The following EFNA5 variants were observed in gnomAD, a reference collection of about 807,000 sequenced individuals.
The protein encoded by EFNA5 is ephrin-A5.
Under a neutral mutation model 22.9 loss-of-function variants are expected in EFNA5, and 5 were observed. The observed-to-expected ratio is 0.22, with a 90% CI of 0.11 to 0.46. The LOEUF is 0.46. Among genes scored for constraint, EFNA5 ranks in the 20% least tolerant of loss-of-function variants. The pLI is 0.99. For missense variants in EFNA5, 237 were observed against 293.3 expected, an observed-to-expected ratio of 0.81 and a Z score of 1.40; for synonymous variants, 113 against 112.2, an observed-to-expected ratio of 1.01 and a Z score of -0.04.
At chr5:107,617,801 T>G (rs1561450827) in intron 1 of EFNA5, among the ~76,000 whole-genome samples, 1 of 152,156 alleles carries the variant, frequency 6.6e-6, no homozygotes, top group Non-Finnish European at 1.5e-5. Context: ...TACAGTTTAA[T>G]TTTTTGCCTG....
chr5:107,469,846 ATTCTAGCATCATTTCTTGT>A (rs1750091464), intron 1 of EFNA5, among the ~76,000 whole-genome samples: 1 of 152,140 alleles, frequency 6.6e-6, no homozygotes, highest in African/African-American at 2.4e-5. Context: ...CCACCTCTGA[ATTCTAGCATCATTTCTTGT>A]TTCTCCATTT....
intron 1 of EFNA5, among the ~76,000 whole-genome samples, chr5:107,541,153 T>C (rs1480241687): frequency 6.6e-6 from 1 of 151,878 alleles, no homozygotes; most frequent in Non-Finnish European, 1.5e-5. Flanking sequence ...TTAACTTTTA[T>C]AAAGATTTCA....
intron 1 of EFNA5, among the ~76,000 whole-genome samples, chr5:107,531,356 G>T (rs1300833641): frequency 1.3e-5 from 2 of 152,172 alleles, no homozygotes; most frequent in African/African-American, 4.8e-5. Flanking sequence ...TGCTCAGGGT[G>T]CCACCTTCTA....
intron 2 of EFNA5, among the ~76,000 whole-genome samples, chr5:107,406,968 C>T (rs1748241056): frequency 6.6e-6 from 1 of 152,180 alleles, no homozygotes; most frequent in Non-Finnish European, 1.5e-5. Flanking sequence ...TATGATTAGG[C>T]ATATGAGTTT....
intron 1 of EFNA5, among the ~76,000 whole-genome samples, chr5:107,504,730 G>A (rs17534165): frequency 0.11 from 16,520 of 152,068 alleles, 994 homozygotes; most frequent in Middle Eastern, 0.19. Context: ...AAGTGTTGTC[G>A]AAGCCTATTT....
intron 1 of EFNA5, among the ~76,000 whole-genome samples, chr5:107,639,105 T>G (rs936591510): frequency 1.3e-5 from 2 of 152,216 alleles, no homozygotes; most frequent in African/African-American, 2.4e-5. Context: ...CACAACATAT[T>G]ACTTCGGTGA....
rs1554062112 is a variant in EFNA5 at position 107,482,893 on chromosome 5, T to TAC, written c.126-55386_126-55385dup. The stretch of plus-strand genomic sequence containing the variant: ...CTCTATATATATATATATATATATA[T>TAC]ACATACATATATACACATACACACA... On this transcript the variant is annotated intron_variant, in intron 1 of 4. Coordinates refer to ENST00000333274, the MANE Select transcript of EFNA5 (RefSeq NM_001962.3). 2.0e-3 allele frequency among the ~76,000 whole-genome samples: 276 copies of TAC among 140,006 alleles called. 2 individuals are homozygous for TAC. The highest frequency in any genetic ancestry group is 7.5e-3 in the Middle Eastern group (2 of 266). 91.8% of individuals were successfully genotyped at this position (140,006 alleles called of 152,430 possible).
At chr5:107,464,465 C>T (rs189430337) in intron 1 of EFNA5, among the ~76,000 whole-genome samples, 11 of 152,184 alleles carry the variant, frequency 7.2e-5, no homozygotes, top group Admixed American at 5.2e-4. Flanking sequence ...TGTACATCCT[C>T]GGGGAGCAAA....
chr5:107,602,634 C>T (rs1749624327), intron 1 of EFNA5, among the ~76,000 whole-genome samples: 1 of 152,164 alleles, frequency 6.6e-6, no homozygotes, highest in African/African-American at 2.4e-5. Context: ...CCAAACACCT[C>T]ACAGGCTGGG....
intron 1 of EFNA5, among the ~76,000 whole-genome samples, chr5:107,617,825 T>C (rs1749954599): frequency 1.3e-5 from 2 of 152,160 alleles, no homozygotes; most frequent in Admixed American, 1.3e-4. Flanking sequence ...GGAGGGCATC[T>C]ACTTAAAGTA....
chr5:107,434,319 C>T (rs1291977005), intron 1 of EFNA5, among the ~76,000 whole-genome samples: 1 of 152,184 alleles, frequency 6.6e-6, no homozygotes, highest in Non-Finnish European at 1.5e-5. Context: ...CTGACTTCCT[C>T]CTGGACCCCA....
intron 1 of EFNA5, among the ~76,000 whole-genome samples, chr5:107,621,303 C>T (rs897172762): frequency 6.6e-6 from 1 of 152,142 alleles, no homozygotes; most frequent in South Asian, 2.1e-4. Flanking sequence ...CTGCTTCCAG[C>T]CCTCAGCACT....
Position 107,540,052 on chromosome 5 carries a change from A to T in EFNA5, c.126-112543T>A, listed in dbSNP as rs566365552. Among the ~76,000 whole-genome samples, 6 of 152,116 alleles carry T rather than the reference A, an allele frequency of 3.9e-5. No individual in the cohort carries two copies. In the South Asian group the frequency reaches 1.2e-3, roughly 32 times the overall value. On this transcript the variant is annotated intron_variant, in intron 1 of 4. Coordinates refer to ENST00000333274, the MANE Select transcript of EFNA5 (RefSeq NM_001962.3). ...CTTAGCCATGGACTATTTGTTCTAA[A>T]GGATTCTAAGAGGGTGAAGGAATGC...
chr5:107,646,885 G>T (rs921183849), intron 1 of EFNA5, among the ~76,000 whole-genome samples: 4 of 151,750 alleles, frequency 2.6e-5, no homozygotes, highest in African/African-American at 9.7e-5. Flanking sequence ...CAGACATTTG[G>T]GTCAGTTCTC....
At chr5:107,591,889 TATTATATATAATATATAATATAAAA>T (rs1580547358) in intron 1 of EFNA5, among the ~76,000 whole-genome samples, 2 of 22,228 alleles carry the variant, frequency 9.0e-5, no homozygotes, top group East Asian at 1.2e-3. Context: ...ATAATATATA[TATTATATATAATATATAATATAAAA>T]AATATATATA....
At chr5:107,387,347 T>A (rs777785004) in intron 3 of EFNA5, 32 bp from the exon 4 acceptor site, 6 of 1,460,316 alleles carry the variant, frequency 4.1e-6, no homozygotes, top group Non-Finnish European at 4.7e-6. Flanking sequence ...CAGCCAAATA[T>A]GTTAGTGAAG....
intron 1 of EFNA5, among the ~76,000 whole-genome samples, chr5:107,437,649 C>T (rs1427602707): frequency 6.6e-6 from 1 of 152,218 alleles, no homozygotes; most frequent in Non-Finnish European, 1.5e-5. Flanking sequence ...ATCCCCAACA[C>T]TTAGCACCAT....
chr5:107,559,496 C>G (rs188114523), intron 1 of EFNA5, among the ~76,000 whole-genome samples: 100 of 152,296 alleles, frequency 6.6e-4, no homozygotes, highest in Non-Finnish European at 1.1e-3. Context: ...CACTCCCTAA[C>G]AGTTCTCTCA....
chr5:107,498,862 T>A (rs903026870), intron 1 of EFNA5, among the ~76,000 whole-genome samples: 1 of 152,210 alleles, frequency 6.6e-6, no homozygotes, highest in African/African-American at 2.4e-5. Context: ...CTGCAGGGGA[T>A]AGACTACATA....
Sources: allele counts gnomAD v4.1 joint callset (sites outside exome capture counted in the v4.1 genomes callset), GRCh38; gene constraint gnomAD v4.1.1; transcripts MANE v1.5; gene names NCBI Gene and HGNC (gene_info 2026-07-23, HGNC 2026-07-21).